The following TNS3 variants were observed in gnomAD, a reference collection of about 807,000 sequenced individuals.
TNS3 encodes the protein tensin 3, also known as tensin-3.
In TNS3, 45 loss-of-function variants were observed where a neutral mutation model predicts 140.9. The ratio of observed to expected loss-of-function variants is 0.32; its 90% CI spans 0.25 to 0.41. The LOEUF (loss-of-function observed/expected upper bound fraction) is 0.41, where lower values mean the gene tolerates loss of function less well. Ranked by LOEUF, TNS3 falls within the 10% of genes least tolerant of loss-of-function variation. The pLI, the probability that TNS3 is intolerant of heterozygous loss-of-function variation, is 1.00. For synonymous variants in TNS3, 815 were observed against 788.4 expected, an observed-to-expected ratio of 1.03 and a Z score of -0.56; for missense variants, 1,716 against 1,906.7, an observed-to-expected ratio of 0.90 and a Z score of 1.86.
At chr7:47,292,984 T>C in intron 25 of TNS3, 79 bp from the exon 26 acceptor site, 1 of 1,255,220 alleles carries the variant, frequency 8.0e-7, no homozygotes, top group Non-Finnish European at 1.1e-6. Context: ...TCAGCTGGAA[T>C]GAAACGGATG....
intron 1 of TNS3, among the ~76,000 whole-genome samples, chr7:47,550,469 C>T (rs1007770083): frequency 6.6e-6 from 1 of 152,206 alleles, no homozygotes; most frequent in African/African-American, 2.4e-5. Context: ...TTCCCAACCT[C>T]ATGTAAGCAA....
At position 47,278,480 on chromosome 7, in the gene TNS3, G is replaced by T. The variant is rs570596360; in HGVS notation, c.4194-260C>A. On this transcript the variant is annotated intron_variant, in intron 30 of 30. Coordinates refer to ENST00000311160, the MANE Select transcript of TNS3 (RefSeq NM_022748.12). ...GTGAGTGCCCTGTCCACAGCCCCAG[G>T]TTAGGACCTGAATCAAAGCTGAGGC... 6.7e-5 allele frequency: 30 copies of T among 447,742 alleles called. No homozygotes were observed. In the East Asian group the frequency reaches 1.1e-3, roughly 16 times the overall value. The allele number at this position is 447,742 out of a possible 1,614,324, so 27.7% of individuals were successfully genotyped here.
intron 1 of TNS3, among the ~76,000 whole-genome samples, chr7:47,533,785 G>C (rs1584825584): frequency 6.6e-6 from 1 of 152,186 alleles, no homozygotes; most frequent in East Asian, 1.9e-4. Flanking sequence ...TTTTATAAGG[G>C]GGAGTTCCTC....
chr7:47,458,177 G>A (rs1352156768), intron 4 of TNS3, among the ~76,000 whole-genome samples: 9 of 152,206 alleles, frequency 5.9e-5, no homozygotes, highest in South Asian at 4.1e-4. Flanking sequence ...TAACTGACCC[G>A]TTCAAGGTCA....
chr7:47,405,635 C>T, intron 13 of TNS3: 1 of 701,890 alleles, frequency 1.4e-6, no homozygotes, highest in Non-Finnish European at 2.6e-6. Context: ...GAGATGACAG[C>T]ATGGATTAAG....
At chr7:47,399,363 T>C (rs568187312) in intron 15 of TNS3, among the ~76,000 whole-genome samples, 1 of 151,398 alleles carries the variant, frequency 6.6e-6, no homozygotes, top group South Asian at 2.1e-4. Flanking sequence ...GGGGCCCAAA[T>C]GGCCAAAGCA....
At chr7:47,507,350 G>T (rs1472719466) in intron 2 of TNS3, among the ~76,000 whole-genome samples, 1 of 152,156 alleles carries the variant, frequency 6.6e-6, no homozygotes, top group African/African-American at 2.4e-5. Flanking sequence ...AGAAATTATA[G>T]CTGATCCCTG....
intron 1 of TNS3, among the ~76,000 whole-genome samples, chr7:47,561,733 G>A (rs909775026): frequency 6.6e-6 from 1 of 152,210 alleles, no homozygotes; most frequent in Non-Finnish European, 1.5e-5. Context: ...TCGTCAAAAG[G>A]TGGAATCTAT....
At chr7:47,462,110 C>T (rs558555763) in intron 4 of TNS3, among the ~76,000 whole-genome samples, 108 of 152,234 alleles carry the variant, frequency 7.1e-4, no homozygotes, top group Non-Finnish European at 1.3e-3. Flanking sequence ...TTCAGGATTC[C>T]GCAAGTTAAC....
chr7:47,390,908 C>T (rs1792474960), intron 16 of TNS3, among the ~76,000 whole-genome samples: 1 of 152,182 alleles, frequency 6.6e-6, no homozygotes. Context: ...TCTCCAGACT[C>T]TGCCTCCCAG....
At chr7:47,456,440 T>C (rs1796249574) in intron 4 of TNS3, among the ~76,000 whole-genome samples, 1 of 152,170 alleles carries the variant, frequency 6.6e-6, no homozygotes, top group Non-Finnish European at 1.5e-5. Flanking sequence ...GGGGTGGAAA[T>C]GGCACATAAT....
Position 47,278,205 on chromosome 7 carries a change from C to T in TNS3, c.4209G>A (p.Val1403=), listed in dbSNP as rs1784956357. The T allele has an allele frequency of 6.2e-7, 1 of 1,613,966 alleles. No individual in the cohort carries two copies. The highest frequency in any genetic ancestry group is 8.5e-7 in the Non-Finnish European group (1 of 1,179,936). ...CCGTGGCACTGCCCTGCTTCCGGGC[C>T]ACAAATCCAAAGACTCTGCCAAAGG... ...DGPSSKVFGF[V]ARKQGSATDN... is the part of the protein sequence containing the mutation. The change falls in exon 31 of 31, where the codon GTG becomes GTA. Residue 1403 remains valine (V), a synonymous_variant. Coordinates refer to ENST00000311160, the MANE Select transcript of TNS3 (RefSeq NM_022748.12).
intron 1 of TNS3, among the ~76,000 whole-genome samples, chr7:47,558,832 C>G (rs756516912): frequency 7.2e-5 from 11 of 152,174 alleles, no homozygotes; most frequent in Admixed American, 6.5e-4. Flanking sequence ...AGTCCAAGCC[C>G]TCCTTGGTTA....
chr7:47,571,487 G>A (rs968294248), intron 1 of TNS3, among the ~76,000 whole-genome samples: 3 of 138,962 alleles, frequency 2.2e-5, no homozygotes, highest in Admixed American at 7.6e-5. Flanking sequence ...CTGGCAGTAT[G>A]GGAAACGGAA....
At chr7:47,563,254 A>G (rs1800354994) in intron 1 of TNS3, among the ~76,000 whole-genome samples, 1 of 152,232 alleles carries the variant, frequency 6.6e-6, no homozygotes, top group Admixed American at 6.5e-5. Context: ...CCAACGACAA[A>G]GATCTAAAGT....
intron 7 of TNS3, among the ~76,000 whole-genome samples, chr7:47,436,957 G>A (rs1795213428): frequency 6.6e-6 from 1 of 152,148 alleles, no homozygotes; most frequent in Admixed American, 6.6e-5. Context: ...AAATGTGAGT[G>A]AGGTCCGTGG....
chr7:47,398,531 A>G (rs1029305771), intron 15 of TNS3, among the ~76,000 whole-genome samples: 1 of 152,206 alleles, frequency 6.6e-6, no homozygotes, highest in African/African-American at 2.4e-5. Context: ...ATAGAAGTCA[A>G]TAAATGTGAT....
At chr7:47,313,736 T>C (rs1252525254) in intron 20 of TNS3, among the ~76,000 whole-genome samples, 3 of 152,188 alleles carry the variant, frequency 2.0e-5, no homozygotes, top group Non-Finnish European at 4.4e-5. Context: ...TGCACTCCCA[T>C]GGCGCCTGGG....
At chr7:47,536,078 C>T (rs1204672847) in intron 1 of TNS3, among the ~76,000 whole-genome samples, 1 of 152,228 alleles carries the variant, frequency 6.6e-6, no homozygotes, top group Admixed American at 6.5e-5. Flanking sequence ...TTTCCCAGCC[C>T]ACAGGGGGCC....
Sources: gnomAD v4.1 joint callset for allele counts (sites outside exome capture counted in the v4.1 genomes callset) on GRCh38, gnomAD v4.1.1 for gene constraint, MANE v1.5 for transcripts, NCBI Gene and HGNC (gene_info 2026-07-23, HGNC 2026-07-21) for gene names.